PTAR1: variants seen among roughly 807,000 people sequenced by gnomAD.
The protein encoded by PTAR1 is protein prenyltransferase alpha subunit repeat-containing protein 1.
In PTAR1, 17 loss-of-function variants were observed where a neutral mutation model predicts 45.5. The ratio of observed to expected loss-of-function variants is 0.37; its 90% confidence interval spans 0.26 to 0.56. The LOEUF is 0.56. Among genes scored for constraint, PTAR1 ranks in the 20% least tolerant of loss-of-function variants. The pLI, the probability that PTAR1 is intolerant of heterozygous loss-of-function variation, is 0.77. For missense variants in PTAR1, 391 were observed against 476.3 expected (o/e 0.82, Z 1.67); for synonymous variants, 169 against 171.3 (o/e 0.99, Z 0.11).
At chr9:69,758,764 G>A in intron 1 of PTAR1, 1 of 341,446 alleles carries the variant, frequency 2.9e-6, no homozygotes, top group Non-Finnish European at 6.2e-6. Context: ...AGGCAGAAAA[G>A]CTGAACCGGT....
intron 6 of PTAR1, among the ~76,000 whole-genome samples, chr9:69,721,363 T>C (rs1443736288): frequency 6.6e-6 from 1 of 152,110 alleles, no homozygotes; most frequent in Non-Finnish European, 1.5e-5. Context: ...ATGATAAAAC[T>C]TGGATGCATG....
chr9:69,757,219 T>G (rs1345604702), intron 1 of PTAR1: 1 of 152,228 alleles, frequency 6.6e-6, no homozygotes, highest in East Asian at 1.9e-4. Context: ...GTCTTCTACA[T>G]TAGCACAGGG....
Position 69,734,229 on chromosome 9 carries a change from A to C in PTAR1, c.349T>G (p.Leu117Val). ...AGATGTAAATCCTTAATTGGATTTAAAGTGCCAGAGAGGATCAGCTCTTTC... is the reference window on the plus strand; with the variant it reads ...AGATGTAAATCCTTAATTGGATTTACAGTGCCAGAGAGGATCAGCTCTTTC... ...VRKELILSGT[L>V]NPIKDLHLGK... The change falls in exon 4 of 8, where the codon TTA (leucine) becomes GTA (valine). Residue 117 changes from leucine to valine, a missense_variant. This residue lies in a region of PTAR1 where 152 missense variants were observed against 160.0 expected (regional missense o/e 0.95). Transcript: ENST00000340434. 7.6e-7 allele frequency: 1 copy of C among 1,307,764 alleles called. No individual in the cohort carries two copies. Among genetic ancestry groups the C allele is most frequent in the Non-Finnish European group, 1.1e-6 (1 of 919,466 alleles). The allele number at this position is 1,307,764 out of a possible 1,614,324, so 81.0% of individuals were successfully genotyped here.
intron 1 of PTAR1, among the ~76,000 whole-genome samples, chr9:69,754,532 C>CTTTTTTTTTTTTTTTTT (rs60025062): frequency 9.2e-5 from 7 of 76,260 alleles, no homozygotes; most frequent in Non-Finnish European, 1.2e-4. Context: ...GGGTATATAT[C>CTTTTTTTTTTTTTTTTT]TTTTTTTTTT....
At chr9:69,755,599 C>A (rs561276448) in intron 1 of PTAR1, among the ~76,000 whole-genome samples, 2 of 152,090 alleles carry the variant, frequency 1.3e-5, no homozygotes, top group Non-Finnish European at 2.9e-5. Context: ...ATGGTAAAAA[C>A]ATTTTAAATC....
intron 2 of PTAR1, among the ~76,000 whole-genome samples, chr9:69,747,484 A>G (rs1288814965): frequency 6.6e-6 from 1 of 152,226 alleles, no homozygotes. Context: ...TGTGGCTGTA[A>G]TGAACATATG....
intron 1 of PTAR1, among the ~76,000 whole-genome samples, chr9:69,754,082 C>T (rs1826651373): frequency 6.6e-6 from 1 of 152,086 alleles, no homozygotes; most frequent in Non-Finnish European, 1.5e-5. Flanking sequence ...ACTTTGTAAA[C>T]ATAGGTAGGT....
rs2026793 is a variant in PTAR1, at chr9:69,736,173, C to T, written c.324-1919G>A. ...ACATCAGCATCATCTGGAACTTATG[C>T]GAAATGCAGATCCTCAGGCCTCAGC... On this transcript the variant is annotated intron_variant, in intron 3 of 7. Transcript: ENST00000340434. Among the ~76,000 whole-genome samples, 1,340 of 152,204 alleles carry T rather than the reference C, an allele frequency of 8.8e-3. 22 individuals carry two copies. Among genetic ancestry groups the T allele is most frequent in the African/African-American group, 0.031 (1,274 of 41,516 alleles).
At position 69,712,802 on chromosome 9, in the gene PTAR1, A is replaced by G. The variant is rs1451410294; in HGVS notation, c.*5540T>C. The stretch of plus-strand genomic sequence containing the variant: ...ACAATCATCCCCACCTCTACCAAAG[A>G]TGGAACTATAACACAGAAATCATTT... On this transcript the variant is annotated 3_prime_UTR_variant, in exon 8 of 8. Transcript: ENST00000340434. The G allele has an allele frequency of 6.6e-6, 1 of 152,148 alleles. No homozygotes were observed. Among genetic ancestry groups the G allele is most frequent in the African/African-American group, 2.4e-5 (1 of 41,456 alleles). 9.4% of individuals were successfully genotyped at this position (152,148 alleles called of 1,614,324 possible).
chr9:69,755,383 C>T (rs1588491266), intron 1 of PTAR1, among the ~76,000 whole-genome samples: 1 of 152,328 alleles, frequency 6.6e-6, no homozygotes, highest in East Asian at 1.9e-4. Flanking sequence ...TCATGTAACA[C>T]TGATACTGAC....
At chr9:69,720,816 G>A (rs1278077433) in intron 6 of PTAR1, among the ~76,000 whole-genome samples, 3 of 152,094 alleles carry the variant, frequency 2.0e-5, no homozygotes, top group Non-Finnish European at 4.4e-5. Flanking sequence ...CAGCACATCC[G>A]TTTAAAGAAT....
At chr9:69,736,802 GA>G (rs1389495635) in intron 3 of PTAR1, among the ~76,000 whole-genome samples, 1 of 151,710 alleles carries the variant, frequency 6.6e-6, no homozygotes, top group East Asian at 1.9e-4. Context: ...AAAAGAAAAA[GA>G]AAAAAATGGG....
At chr9:69,719,921 C>T (rs1367939833) in intron 6 of PTAR1, among the ~76,000 whole-genome samples, 2 of 152,112 alleles carry the variant, frequency 1.3e-5, no homozygotes, top group Non-Finnish European at 2.9e-5. Flanking sequence ...ATAAACTGAA[C>T]CAATAAATGT....
chr9:69,748,253 T>G (rs1826366044), intron 2 of PTAR1, among the ~76,000 whole-genome samples: 1 of 152,044 alleles, frequency 6.6e-6, no homozygotes, highest in East Asian at 1.9e-4. Flanking sequence ...AGGAGGGCAC[T>G]CCTGAAGAGT....
chr9:69,715,644 T>C lies in PTAR1; in HGVS notation c.*2698A>G, dbSNP rs1428759976. 1 of 152,054 alleles carries C rather than the reference T, an allele frequency of 6.6e-6. No individual in the cohort carries two copies. Among genetic ancestry groups the C allele is most frequent in the Non-Finnish European group, 1.5e-5 (1 of 67,982 alleles). 9.4% of individuals were successfully genotyped at this position (152,054 alleles called of 1,614,324 possible). A position where few individuals can be genotyped will look rare whatever the true frequency, so the allele number is the denominator to read the frequency against. ...CTTTTCCTTTTAACAATTAGATTGT[T>C]ATAGAAAAATAAGTGAAGACTAAAA... On this transcript the variant is annotated 3_prime_UTR_variant, in exon 8 of 8. Coordinates refer to ENST00000340434, the MANE Select transcript of PTAR1 (RefSeq NM_001099666.2).
chr9:69,725,119 T>C (rs1450632944), intron 5 of PTAR1, among the ~76,000 whole-genome samples: 1 of 152,230 alleles, frequency 6.6e-6, no homozygotes, highest in Non-Finnish European at 1.5e-5. Flanking sequence ...ATTCTGGCTA[T>C]AATACAGCAG....
intron 3 of PTAR1, among the ~76,000 whole-genome samples, chr9:69,738,497 G>C (rs1043732409): frequency 6.6e-6 from 1 of 152,096 alleles, no homozygotes; most frequent in South Asian, 2.1e-4. Flanking sequence ...ATTCATTTCA[G>C]TGGGCTGATG....
chr9:69,759,771 C>T, intron 1 of PTAR1, 82 bp downstream of exon 1: 1 of 1,377,612 alleles, frequency 7.3e-7, no homozygotes, highest in African/African-American at 1.5e-5. Context: ...TGTCCGCCCG[C>T]CGCCCGAGGT....
intron 2 of PTAR1, among the ~76,000 whole-genome samples, chr9:69,750,074 G>A (rs1372618903): frequency 2.0e-5 from 3 of 151,920 alleles, no homozygotes; most frequent in African/African-American, 7.3e-5. Flanking sequence ...TGAGACCTGA[G>A]GTGGGCATAC....
Sources: allele counts gnomAD v4.1 joint callset (sites outside exome capture counted in the v4.1 genomes callset), GRCh38; gene constraint gnomAD v4.1.1; regional missense constraint gnomAD v4.1.1; transcripts MANE v1.5; gene names NCBI Gene and HGNC (gene_info 2026-07-23, HGNC 2026-07-21).